Variants in APAF1 observed in about 807,000 individuals in gnomAD.
The protein encoded by APAF1 is apoptotic peptidase activating factor 1, also known as apoptotic protease-activating factor 1.
A neutral mutation model predicts 152.4 loss-of-function variants in APAF1; 91 were observed. The observed-to-expected ratio is 0.60, with a 90% CI of 0.50 to 0.71. The LOEUF (loss-of-function observed/expected upper bound fraction) is 0.71, where lower values mean the gene tolerates loss of function less well. Ranked by LOEUF, APAF1 falls within the 30% of genes least tolerant of loss-of-function variation. APAF1 has a pLI of 0.00. For missense variants in APAF1, 1,283 were observed against 1,472.0 expected (o/e 0.87, Z 2.10); for synonymous variants, 484 against 494.1 (o/e 0.98, Z 0.27).
At chr12:98,687,358 T>C (rs1173356603) in intron 16 of APAF1, among the ~76,000 whole-genome samples, 5 of 143,994 alleles carry the variant, frequency 3.5e-5, no homozygotes, top group Non-Finnish European at 1.5e-5. Context: ...TGAGACTCCG[T>C]CTCAAAAAAA....
In APAF1 at chr12:98,722,092, G is replaced by C. The variant is rs190700105; in HGVS notation, c.3085-1101G>C. On this transcript the variant is annotated intron_variant, in intron 22 of 26. Transcript: ENST00000551964. ...TTTCTTCTGCGTCTCCTATGCTCTA[G>C]TCAGATGGACTCATGAGCAGGTCCC... Among the ~76,000 whole-genome samples, 8 of 152,208 alleles carry C rather than the reference G, an allele frequency of 5.3e-5. No individual in the cohort carries two copies. In the East Asian group the frequency reaches 1.5e-3, roughly 29 times the overall value.
chr12:98,648,229 G>A, intron 1 of APAF1, 90 bp from the exon 2 acceptor site: 2 of 1,281,552 alleles, frequency 1.6e-6, no homozygotes, highest in Non-Finnish European at 2.2e-6. Context: ...AATCAGTTTT[G>A]TTCTTTTTAC....
At chr12:98,703,544 C>A in intron 18 of APAF1, 45 bp downstream of exon 18, 1 of 1,612,206 alleles carries the variant, frequency 6.2e-7, no homozygotes, top group Non-Finnish European at 8.5e-7. Context: ...TTCCAGAGAT[C>A]AAAGGATGAC....
intron 24 of APAF1, among the ~76,000 whole-genome samples, chr12:98,724,508 A>G (rs1027353942): frequency 1.1e-4 from 16 of 151,972 alleles, no homozygotes; most frequent in Non-Finnish European, 1.5e-5. Flanking sequence ...CTACTTTCCA[A>G]CTTCATCTTT....
chr12:98,699,023 G>T (rs928336542), intron 16 of APAF1, among the ~76,000 whole-genome samples: 7 of 152,130 alleles, frequency 4.6e-5, no homozygotes, highest in African/African-American at 1.7e-4. Context: ...TGTGCATGTG[G>T]TAGGTTCGTG....
Position 98,732,515 on chromosome 12 carries a change from T to C in APAF1, c.3696T>C (p.Tyr1232=), listed in dbSNP as rs372861046. The change falls in exon 27 of 27, where the codon TAT becomes TAC. Residue 1232 remains tyrosine, a synonymous_variant. Transcript: ENST00000551964. ...KIHVSPDFKT[Y]VTVDNLGILY... ...ACGTGTCCCCTGACTTCAAAACATA[T>C]GTGACTGTGGATAATCTTGGTATTT... 44 of 1,576,448 alleles carry C rather than the reference T, an allele frequency of 2.8e-5. No individual in the cohort carries two copies. The highest frequency in any genetic ancestry group is 3.3e-4 in the Middle Eastern group (2 of 6,020).
At chr12:98,711,406 TAAAG>T (rs1469392679) in intron 20 of APAF1, among the ~76,000 whole-genome samples, 4 of 152,334 alleles carry the variant, frequency 2.6e-5, no homozygotes, top group Admixed American at 2.0e-4. Context: ...AGTTACTACT[TAAAG>T]AATTCTTGAA....
At chr12:98,690,983 C>T (rs1228342315) in intron 16 of APAF1, among the ~76,000 whole-genome samples, 2 of 151,922 alleles carry the variant, frequency 1.3e-5, no homozygotes. Context: ...CCGAGGTGGG[C>T]GGATCATGAG....
In APAF1 at chr12:98,682,995, G is replaced by T. The variant is rs112627534; in HGVS notation, c.2047-148G>T. ...AAATATTGCCATATTTTAGAAAGGG[G>T]AGAGGTTTCATTAGCATCTTGTCCA... On this transcript the variant is annotated intron_variant, in intron 14 of 26. Coordinates refer to ENST00000551964, the MANE Select transcript of APAF1 (RefSeq NM_181861.2). The T allele has an allele frequency of 2.3e-4, 156 of 680,458 alleles. 1 individual carries two copies. In the African/African-American group the frequency reaches 2.4e-3, roughly 11 times the overall value. The allele number at this position is 680,458 out of a possible 1,614,324, so 42.2% of individuals were successfully genotyped here.
chr12:98,699,886 C>A (rs2097713530), intron 17 of APAF1, among the ~76,000 whole-genome samples: 1 of 152,194 alleles, frequency 6.6e-6, no homozygotes, highest in South Asian at 2.1e-4. Context: ...ATCCAGTGTT[C>A]CTCAAATGTA....
intron 26 of APAF1, among the ~76,000 whole-genome samples, chr12:98,730,438 A>G (rs1223320797): frequency 1.3e-5 from 2 of 152,218 alleles, no homozygotes; most frequent in African/African-American, 4.8e-5. Context: ...ATTCCATCAC[A>G]TAATTGAGAG....
chr12:98,710,407 A>T (rs1252383587), intron 20 of APAF1, among the ~76,000 whole-genome samples: 3 of 152,076 alleles, frequency 2.0e-5, no homozygotes, highest in Non-Finnish European at 4.4e-5. Context: ...ATTGAAAGAT[A>T]GGGAGCATGA....
At position 98,660,349 on chromosome 12, in the gene APAF1, T is replaced by TA. The variant is rs1014145850; in HGVS notation, c.710+1017dup. Among the ~76,000 whole-genome samples the TA allele has an allele frequency of 4.5e-3, 653 of 145,948 alleles. 2 individuals are homozygous for TA. Among genetic ancestry groups the TA allele is most frequent in the African/African-American group, 0.015 (590 of 39,958 alleles). On this transcript the variant is annotated intron_variant, in intron 5 of 26. Coordinates refer to ENST00000551964, the MANE Select transcript of APAF1 (RefSeq NM_181861.2). ...TGGCAGAGGAAGACCCTGTTTCAAT[T>TA]AAAAAAAAAAAGTCAGGAAGGATTT...
intron 22 of APAF1, among the ~76,000 whole-genome samples, chr12:98,716,467 T>G (rs1004659032): frequency 1.8e-4 from 27 of 152,370 alleles, no homozygotes; most frequent in African/African-American, 6.5e-4. Context: ...CCTTTGGGTG[T>G]AGTTGGAAAT....
In APAF1 at chr12:98,686,019, A is replaced by G. The variant is rs565005337; in HGVS notation, c.2179-729A>G. The stretch of plus-strand genomic sequence containing the variant: ...CATGCATCTCAGAGATCTTAAATAT[A>G]AATACTATGTTTATTATCATACCAT... On this transcript the variant is annotated intron_variant, in intron 15 of 26. Transcript: ENST00000551964. Among the ~76,000 whole-genome samples the G allele has an allele frequency of 2.8e-4, 42 of 152,336 alleles. No homozygotes were observed. The South Asian group carries it at 3.3e-3, about 12-fold the overall frequency.
At chr12:98,701,295 T>G (rs556134012) in intron 17 of APAF1, among the ~76,000 whole-genome samples, 1 of 152,360 alleles carries the variant, frequency 6.6e-6, no homozygotes, top group East Asian at 1.9e-4. Context: ...TTTCCACCTT[T>G]TGGCTACTGT....
At chr12:98,648,172 C>T in intron 1 of APAF1, 147 bp from the exon 2 acceptor site, 1 of 679,092 alleles carries the variant, frequency 1.5e-6, no homozygotes, top group Non-Finnish European at 2.5e-6. Flanking sequence ...TCATACCTTT[C>T]CAAGCACTGG....
intron 15 of APAF1, among the ~76,000 whole-genome samples, chr12:98,684,221 C>T (rs80353625): frequency 0.01 from 1,522 of 151,926 alleles, 19 homozygotes; most frequent in African/African-American, 0.034. Flanking sequence ...TGAAAATTGC[C>T]GTCTCCATCC....
intron 16 of APAF1, among the ~76,000 whole-genome samples, chr12:98,687,508 G>A (rs1208408852): frequency 6.6e-6 from 1 of 151,968 alleles, no homozygotes; most frequent in South Asian, 2.1e-4. Flanking sequence ...TATAATTTAT[G>A]TTGTGCTTCT....
Sources: allele counts gnomAD v4.1 joint callset (sites outside exome capture counted in the v4.1 genomes callset), GRCh38; gene constraint gnomAD v4.1.1; transcripts MANE v1.5; gene names NCBI Gene and HGNC (gene_info 2026-07-23, HGNC 2026-07-21).